HMGCLL1: variants seen among roughly 807,000 people sequenced by gnomAD.
The protein encoded by HMGCLL1 is 3-hydroxy-3-methylglutaryl-CoA lyase like 1.
Under a neutral mutation model 39.1 loss-of-function variants are expected in HMGCLL1, and 36 were observed. The ratio of observed to expected loss-of-function variants is 0.92; its 90% confidence interval spans 0.71 to 1.22. HMGCLL1 has a LOEUF of 1.22. Among genes scored for constraint, HMGCLL1 ranks in the 50% most tolerant of loss-of-function variants. The pLI is 0.00. For missense variants in HMGCLL1, 451 were observed against 416.5 expected (o/e 1.08, Z -0.72); for synonymous variants, 149 against 144.0 (o/e 1.03, Z -0.25).
chr6:55,476,966 G>A (rs1765323049), intron 7 of HMGCLL1, among the ~76,000 whole-genome samples: 1 of 111,272 alleles, frequency 9.0e-6, no homozygotes, highest in Non-Finnish European at 2.1e-5. Context: ...TTATGAATTC[G>A]CTGTCCTTAT....
At chr6:55,555,059 ATCC>A (rs1295320724) in intron 1 of HMGCLL1, among the ~76,000 whole-genome samples, 1 of 152,146 alleles carries the variant, frequency 6.6e-6, no homozygotes, top group Non-Finnish European at 1.5e-5. Flanking sequence ...TCTGTTCAAT[ATCC>A]TCTATAACTT....
the HMGCLL1 span, among the ~76,000 whole-genome samples, chr6:55,622,413 A>G: frequency 6.6e-6 from 1 of 152,088 alleles, no homozygotes; most frequent in South Asian, 2.1e-4. Flanking sequence ...AGTCTGTCAT[A>G]TATGGCGTTT....
chr6:55,481,337 G>A (rs1446293009), intron 7 of HMGCLL1, among the ~76,000 whole-genome samples: 3 of 151,874 alleles, frequency 2.0e-5, no homozygotes, highest in Non-Finnish European at 1.5e-5. Flanking sequence ...ATCCAGCCTG[G>A]GTGACAAAGT....
chr6:55,480,712 G>A (rs1354515297), intron 7 of HMGCLL1, among the ~76,000 whole-genome samples: 2 of 151,740 alleles, frequency 1.3e-5, no homozygotes, highest in African/African-American at 2.4e-5. Flanking sequence ...ATTCACAATA[G>A]CCAAGATTTG....
chr6:55,451,052 T>A (rs903762228), intron 7 of HMGCLL1, among the ~76,000 whole-genome samples: 1 of 152,096 alleles, frequency 6.6e-6, no homozygotes, highest in Non-Finnish European at 1.5e-5. Context: ...CAGGCCCTGC[T>A]CTCACAATAG....
chr6:55,529,084 A>T (rs1470809884), intron 3 of HMGCLL1, among the ~76,000 whole-genome samples: 1 of 152,132 alleles, frequency 6.6e-6, no homozygotes, highest in Non-Finnish European at 1.5e-5. Context: ...CATAATAAAT[A>T]TGCATTAGTT....
the HMGCLL1 span, among the ~76,000 whole-genome samples, chr6:55,657,945 A>G: frequency 2.0e-5 from 3 of 151,924 alleles, no homozygotes; most frequent in African/African-American, 7.2e-5. Context: ...ATCAGGAAAA[A>G]TAACTAATGG....
At chr6:55,533,362 T>G (rs191368445) in intron 3 of HMGCLL1, among the ~76,000 whole-genome samples, 1 of 152,130 alleles carries the variant, frequency 6.6e-6, no homozygotes, top group African/African-American at 2.4e-5. Context: ...GAGATAAGTT[T>G]GCAAATTTAG....
intron 5 of HMGCLL1, 63 bp downstream of exon 5, chr6:55,513,985 A>G: frequency 7.2e-7 from 1 of 1,396,118 alleles, no homozygotes; most frequent in South Asian, 1.3e-5. Context: ...TCTCTAGATA[A>G]TTTTTGAGTA....
At chr6:55,458,218 C>A (rs1764408756) in intron 7 of HMGCLL1, among the ~76,000 whole-genome samples, 1 of 152,094 alleles carries the variant, frequency 6.6e-6, no homozygotes, top group African/African-American at 2.4e-5. Context: ...TTCATCATAT[C>A]ATTGAACAGA....
At chr6:55,454,487 A>G (rs1323882893) in intron 7 of HMGCLL1, among the ~76,000 whole-genome samples, 2 of 152,238 alleles carry the variant, frequency 1.3e-5, no homozygotes, top group South Asian at 4.1e-4. Flanking sequence ...AACCTGGCAT[A>G]GAAAGCTTAC....
the HMGCLL1 span, among the ~76,000 whole-genome samples, chr6:55,653,677 G>C: frequency 6.6e-6 from 1 of 151,938 alleles, no homozygotes; most frequent in Non-Finnish European, 1.5e-5. Flanking sequence ...GCCACAGGCA[G>C]AGCCCTTAAG....
At chr6:55,576,223 G>T (rs1333499759) in intron 1 of HMGCLL1, among the ~76,000 whole-genome samples, 1 of 152,080 alleles carries the variant, frequency 6.6e-6, no homozygotes, top group Non-Finnish European at 1.5e-5. Flanking sequence ...TTCACGAGAG[G>T]GTAACATGCA....
chr6:55,627,815 C>G, the HMGCLL1 span, among the ~76,000 whole-genome samples: 1 of 130,324 alleles, frequency 7.7e-6, no homozygotes, highest in Non-Finnish European at 1.6e-5. Context: ...TCTCCTTGCT[C>G]CTCAGATTGC....
intron 1 of HMGCLL1, among the ~76,000 whole-genome samples, chr6:55,563,372 T>C (rs1259326713): frequency 6.6e-6 from 1 of 152,146 alleles, no homozygotes; most frequent in East Asian, 1.9e-4. Context: ...GCAGTCCAGA[T>C]AGAAAAACTG....
Position 55,577,939 on chromosome 6 carries a change from C to A in HMGCLL1, c.108+1009G>T, listed in dbSNP as rs184391796. On this transcript the variant is annotated intron_variant, in intron 1 of 8. Coordinates refer to ENST00000274901, the MANE Select transcript of HMGCLL1 (RefSeq NM_001042406.2). ...GAAACAAAATATCTTCTAAAGAACA[C>A]AAATGCTGAATTCCAATTTGTAAAG... 1.1e-3 allele frequency among the ~76,000 whole-genome samples: 168 copies of A among 152,280 alleles called. 1 individual carries two copies. The highest frequency in any genetic ancestry group is 3.9e-3 in the African/African-American group (163 of 41,578).
chr6:55,462,420 C>T (rs923906409), intron 7 of HMGCLL1, among the ~76,000 whole-genome samples: 3 of 152,074 alleles, frequency 2.0e-5, no homozygotes, highest in African/African-American at 7.2e-5. Context: ...TCCCCTGCCC[C>T]CATGACCTCT....
chr6:55,538,964 G>A (rs905738645), intron 3 of HMGCLL1, among the ~76,000 whole-genome samples: 3 of 151,986 alleles, frequency 2.0e-5, no homozygotes, highest in Non-Finnish European at 4.4e-5. Context: ...ATCCTATTTT[G>A]GCTTCTGTTA....
intron 7 of HMGCLL1, among the ~76,000 whole-genome samples, chr6:55,479,440 G>A (rs920888739): frequency 1.2e-4 from 18 of 151,448 alleles, no homozygotes; most frequent in African/African-American, 4.4e-4. Flanking sequence ...TTTAAAATAT[G>A]GAATCCTAAT....
Sources: allele counts gnomAD v4.1 joint callset (sites outside exome capture counted in the v4.1 genomes callset), GRCh38; gene constraint gnomAD v4.1.1; transcripts MANE v1.5; gene names NCBI Gene and HGNC (gene_info 2026-07-23, HGNC 2026-07-21).